The following POC1B variants were observed in gnomAD, a reference collection of about 807,000 sequenced individuals.
POC1B encodes the protein POC1 centriolar protein homolog B.
POC1B carries 44 observed loss-of-function variants against 60.6 expected under a neutral mutation model. That is an observed-to-expected ratio of 0.73 (90% CI 0.57 to 0.93). The LOEUF is 0.93. POC1B is among the 40% of genes least tolerant of loss of function. The pLI is 0.00. For missense variants in POC1B, 555 were observed against 572.3 expected (o/e 0.97, Z 0.31); for synonymous variants, 180 against 198.9 (o/e 0.90, Z 0.80).
At chr12:89,476,172 GCTAGAATTACAGGCATGATCCA>G (rs1883096862) in intron 4 of POC1B, among the ~76,000 whole-genome samples, 1 of 151,988 alleles carries the variant, frequency 6.6e-6, no homozygotes. Flanking sequence ...CTCCCAAAGT[GCTAGAATTACAGGCATGATCCA>G]CTGTGCCCAG....
intron 10 of POC1B, among the ~76,000 whole-genome samples, chr12:89,445,469 T>A (rs1030249183): frequency 9.9e-5 from 15 of 152,180 alleles, no homozygotes; most frequent in Non-Finnish European, 8.8e-5. Flanking sequence ...TACCACCATC[T>A]GATCTTTGAT....
chr12:89,504,252 C>G (rs1169456153), intron 2 of POC1B, among the ~76,000 whole-genome samples: 2 of 152,232 alleles, frequency 1.3e-5, no homozygotes, highest in Non-Finnish European at 2.9e-5. Flanking sequence ...CCATTTTGTT[C>G]TGTACTAAGA....
chr12:89,408,206 T>C, the POC1B span, among the ~76,000 whole-genome samples: 2 of 152,212 alleles, frequency 1.3e-5, no homozygotes, highest in Non-Finnish European at 2.9e-5. Context: ...CAGTCTAACA[T>C]TGATGGGCAT....
At chr12:89,448,437 C>G (rs768810940) in intron 10 of POC1B, among the ~76,000 whole-genome samples, 1 of 152,198 alleles carries the variant, frequency 6.6e-6, no homozygotes, top group South Asian at 2.1e-4. Flanking sequence ...CCTGCACACA[C>G]CAGAACGGCA....
chr12:89,471,444 T>C (rs1882888520), intron 6 of POC1B, among the ~76,000 whole-genome samples, 170 bp downstream of exon 6: 1 of 152,176 alleles, frequency 6.6e-6, no homozygotes, highest in African/African-American at 2.4e-5. Flanking sequence ...CTGCTGTCCT[T>C]GAGCTTCTGA....
At chr12:89,525,454 G>A in intron 1 of POC1B, 2 of 1,354,210 alleles carry the variant, frequency 1.5e-6, no homozygotes, top group Non-Finnish European at 1.9e-6. Context: ...AGAGTCCAGC[G>A]CATCGCAGGA....
chr12:89,471,973 G>C (rs1271885657), intron 5 of POC1B, among the ~76,000 whole-genome samples, 195 bp downstream of exon 5: 1 of 152,004 alleles, frequency 6.6e-6, no homozygotes, highest in Admixed American at 6.6e-5. Flanking sequence ...TCACTATGTT[G>C]GTCAGGCTGG....
At chr12:89,419,018 G>A (rs1344188683), downstream of POC1B, among the ~76,000 whole-genome samples, 1 of 152,042 alleles carries the variant, frequency 6.6e-6, no homozygotes, top group Non-Finnish European at 1.5e-5. Flanking sequence ...CTGACAAAAT[G>A]TCCTGAAGGA....
chr12:89,499,804 A>G (rs758032191), intron 2 of POC1B, among the ~76,000 whole-genome samples: 5 of 152,386 alleles, frequency 3.3e-5, no homozygotes, highest in East Asian at 1.9e-4. Context: ...ACGTAAAACA[A>G]TAAGCTTTTA....
the POC1B span, among the ~76,000 whole-genome samples, chr12:89,413,196 G>A: frequency 6.6e-6 from 1 of 151,320 alleles, no homozygotes; most frequent in South Asian, 2.1e-4. Flanking sequence ...ACCATGCCTT[G>A]CCTTTTTTCT....
In POC1B at chr12:89,501,419, C is replaced by T. The variant is rs1442283516; in HGVS notation, c.101-4077G>A. The T allele has an allele frequency of 5.0e-6, 5 of 1,002,610 alleles. No homozygotes were observed. In the East Asian group the frequency reaches 1.2e-4, roughly 24 times the overall value. The allele number at this position is 1,002,610 out of a possible 1,614,324, so 62.1% of individuals were successfully genotyped here. A position where few individuals can be genotyped will look rare whatever the true frequency, so the allele number is the denominator to read the frequency against. ...GAAGAACAGCTCGATGTGGGACAGA[C>T]TAAAGATGAAAACATACATATGTCA... On this transcript the variant is annotated intron_variant, in intron 2 of 11. Transcript: ENST00000313546.
chr12:89,509,365 C>G (rs1298677764), intron 2 of POC1B, among the ~76,000 whole-genome samples: 1 of 152,184 alleles, frequency 6.6e-6, no homozygotes, highest in East Asian at 1.9e-4. Context: ...CAAATACTCC[C>G]TTATTTTCTA....
intron 10 of POC1B, among the ~76,000 whole-genome samples, chr12:89,438,659 T>C (rs546600922): frequency 6.6e-6 from 1 of 152,364 alleles, no homozygotes; most frequent in African/African-American, 2.4e-5. Context: ...CTCTGCCTTA[T>C]TTGCAGGCTT....
At chr12:89,458,561 T>C (rs1166530483) in intron 10 of POC1B, among the ~76,000 whole-genome samples, 2 of 152,204 alleles carry the variant, frequency 1.3e-5, no homozygotes, top group Non-Finnish European at 2.9e-5. Context: ...TTCTCTGCTA[T>C]GGGATTAACA....
At chr12:89,491,424 GAC>G (rs901712851) in intron 4 of POC1B, among the ~76,000 whole-genome samples, 2 of 151,954 alleles carry the variant, frequency 1.3e-5, no homozygotes, top group African/African-American at 4.8e-5. Context: ...AGGAGTTTGA[GAC>G]CAGCTTGGGC....
At chr12:89,500,853 G>C in intron 2 of POC1B, 1 of 1,058,414 alleles carries the variant, frequency 9.4e-7, no homozygotes, top group Non-Finnish European at 1.4e-6. Context: ...ACGACATTCA[G>C]AATATGAAAT....
intron 2 of POC1B, chr12:89,500,302 T>C: frequency 1.3e-6 from 2 of 1,533,638 alleles, no homozygotes; most frequent in East Asian, 2.3e-5. Flanking sequence ...AAGACACTTG[T>C]ATTCAGTCAC....
intron 3 of POC1B, among the ~76,000 whole-genome samples, chr12:89,495,181 G>A (rs1488750019): frequency 5.3e-5 from 8 of 152,206 alleles, no homozygotes; most frequent in African/African-American, 1.9e-4. Flanking sequence ...TAATGACTCA[G>A]TGAGCTTTTA....
Position 89,420,314 on chromosome 12 carries a change from T to C in POC1B, c.*839A>G, listed in dbSNP as rs1298144081. The C allele has an allele frequency of 6.6e-6, 1 of 152,230 alleles. No homozygotes were observed. Among genetic ancestry groups the C allele is most frequent in the Non-Finnish European group, 1.5e-5 (1 of 68,042 alleles). 9.4% of individuals were successfully genotyped at this position (152,230 alleles called of 1,614,324 possible). On this transcript the variant is annotated 3_prime_UTR_variant, in exon 12 of 12. Coordinates refer to ENST00000313546, the MANE Select transcript of POC1B (RefSeq NM_172240.3). The stretch of plus-strand genomic sequence containing the variant: ...GCCCAAATCACCCTAAGCAACAATA[T>C]TTCTGAAGCATGTGTACATACATGT...
Sources: allele counts gnomAD v4.1 joint callset (sites outside exome capture counted in the v4.1 genomes callset), GRCh38; gene constraint gnomAD v4.1.1; transcripts MANE v1.5; gene names NCBI Gene and HGNC (gene_info 2026-07-23, HGNC 2026-07-21).